Variants in DMBT1 observed in about 807,000 individuals in gnomAD.
The protein encoded by DMBT1 is deleted in malignant brain tumors 1.
DMBT1 carries 198 observed loss-of-function variants against 252.9 expected under a neutral mutation model. The observed-to-expected ratio is 0.78, with a 90% confidence interval of 0.70 to 0.88. The LOEUF (loss-of-function observed/expected upper bound fraction) is 0.88, where lower values mean the gene tolerates loss of function less well. Ranked by LOEUF, DMBT1 falls within the 40% of genes least tolerant of loss-of-function variation. The pLI is 0.00. For missense variants in DMBT1, 2,432 were observed against 2,404.7 expected (o/e 1.01, Z -0.24); for synonymous variants, 990 against 942.7 (o/e 1.05, Z -0.92).
Position 122,591,498 on chromosome 10 carries a change from G to A in DMBT1, c.2157G>A (p.Thr719=), listed in dbSNP as rs181876433. ...TTACAGACACGTTGTCGACCATCAC[G>A]TTACCTCCATCGACAGTAGGTAAAT... ...TPRPDTLSTI[T]LPPSTVGSES... is the part of the protein sequence containing the mutation. The change falls in exon 19 of 56, where the codon ACG becomes ACA. Residue 719 remains threonine (T), a synonymous_variant. Transcript: ENST00000338354. 275 of 1,587,310 alleles carry A rather than the reference G, an allele frequency of 1.7e-4. 13 individuals carry two copies. The highest frequency in any genetic ancestry group is 1.0e-3 in the African/African-American group (76 of 74,634).
intron 2 of DMBT1, among the ~76,000 whole-genome samples, chr10:122,569,934 A>G (rs2097645914): frequency 6.6e-6 from 1 of 152,132 alleles, no homozygotes; most frequent in South Asian, 2.1e-4. Context: ...TCGTGGCAGC[A>G]GAGGAGGTGT....
At chr10:122,625,438 G>C (rs1034111516) in intron 45 of DMBT1, 135 bp downstream of exon 45, 3 of 883,714 alleles carry the variant, frequency 3.4e-6, no homozygotes, top group African/African-American at 1.7e-5. Context: ...TCTTTGTTAG[G>C]GTGACGAGCT....
intron 52 of DMBT1, among the ~76,000 whole-genome samples, chr10:122,634,354 T>TTCTTTC (rs762300161): frequency 1.9e-3 from 190 of 97,662 alleles, no homozygotes; most frequent in South Asian, 6.8e-3. Flanking sequence ...CTTTCTTTCT[T>TTCTTTC]TCTTTCTTTC....
intron 52 of DMBT1, among the ~76,000 whole-genome samples, chr10:122,633,564 G>A (rs1218023523): frequency 6.6e-6 from 1 of 152,174 alleles, no homozygotes; most frequent in African/African-American, 2.4e-5. Context: ...CGAGAGCCTT[G>A]GAGTGGACAA....
intron 41 of DMBT1, among the ~76,000 whole-genome samples, chr10:122,618,654 G>T (rs558586471): frequency 6.6e-6 from 1 of 152,198 alleles, no homozygotes; most frequent in East Asian, 1.9e-4. Context: ...GAGTAGCACT[G>T]GTTGAGGGTA....
chr10:122,591,882 G>C (rs962979515), intron 19 of DMBT1, among the ~76,000 whole-genome samples: 2 of 149,230 alleles, frequency 1.3e-5, no homozygotes, highest in Non-Finnish European at 3.0e-5. Flanking sequence ...TGGCCAATGT[G>C]TTGCCATCCC....
chr10:122,632,213 G>T (rs556685024), intron 50 of DMBT1, among the ~76,000 whole-genome samples: 56 of 152,034 alleles, frequency 3.7e-4, no homozygotes, highest in Admixed American at 5.2e-4. Flanking sequence ...CCCCTGAGCT[G>T]CTCTGAGTGT....
chr10:122,633,634 C>T (rs189966742), intron 52 of DMBT1, among the ~76,000 whole-genome samples: 5 of 152,324 alleles, frequency 3.3e-5, no homozygotes, highest in African/African-American at 1.2e-4. Flanking sequence ...CAGGAAGTCA[C>T]TCAACTTTCC....
intron 41 of DMBT1, 60 bp downstream of exon 41, chr10:122,618,400 C>G (rs1215746802): frequency 1.2e-6 from 2 of 1,612,482 alleles, no homozygotes; most frequent in Admixed American, 3.3e-5. Context: ...GGAAGAAAAT[C>G]CTAATTACAT....
chr10:122,617,539 G>A (rs986819320), intron 40 of DMBT1, among the ~76,000 whole-genome samples: 3 of 151,532 alleles, frequency 2.0e-5, no homozygotes, highest in Non-Finnish European at 2.9e-5. Context: ...AATCCTGCTG[G>A]GACCTCTTTC....
In DMBT1 at chr10:122,598,775, A is replaced by G. The variant is rs776890512; in HGVS notation, c.2958A>G (p.Gly986=). 2.5e-6 allele frequency: 4 copies of G among 1,613,000 alleles called. No homozygotes were observed. Among genetic ancestry groups the G allele is most frequent in the Non-Finnish European group, 3.4e-6 (4 of 1,179,726 alleles). ...AAGGATTCTTGTGTTCCCCTGTAGG[A>G]TCTGAATCCAGTTTGGCCCTGAGGC... ...PTITLPASTV[G]SESSLALRLV... Residue 986 remains glycine (G), a splice_region_variant and synonymous_variant, in exon 26 of 56, where the codon GGA becomes GGG. Coordinates refer to ENST00000338354, the MANE Select transcript of DMBT1 (RefSeq NM_001377530.1).
rs2097782716 is a variant in DMBT1, at chr10:122,585,589, T to C, written c.1459+280T>C. Among the ~76,000 whole-genome samples, 4 of 148,574 alleles carry C rather than the reference T, an allele frequency of 2.7e-5. No homozygotes were observed. The South Asian group carries it at 9.1e-4, about 34-fold the overall frequency. ...AAAGCCCTGGAAGCTTCCCTAATCC[T>C]ACTAAGACCTCATTCCTGTCCCTCA... On this transcript the variant is annotated intron_variant, in intron 15 of 55. Transcript: ENST00000338354.
chr10:122,597,700 G>C (rs2097895905), intron 24 of DMBT1, among the ~76,000 whole-genome samples: 1 of 152,184 alleles, frequency 6.6e-6, no homozygotes, highest in African/African-American at 2.4e-5. Flanking sequence ...ACCCGTCAGT[G>C]CATGTGTCAG....
At chr10:122,636,991 G>A (rs1192365753) in intron 53 of DMBT1, 137 bp from the exon 54 acceptor site, 1 of 737,378 alleles carries the variant, frequency 1.4e-6, no homozygotes, top group Non-Finnish European at 2.2e-6. Flanking sequence ...TGAGGTCTAT[G>A]CCCACATCCT....
intron 2 of DMBT1, among the ~76,000 whole-genome samples, chr10:122,567,429 G>T (rs2097605888): frequency 6.6e-6 from 1 of 152,190 alleles, no homozygotes; most frequent in South Asian, 2.1e-4. Context: ...GAAGGACAGA[G>T]CATGGGAAGT....
chr10:122,597,512 T>G (rs913050605), intron 24 of DMBT1, among the ~76,000 whole-genome samples: 1 of 152,176 alleles, frequency 6.6e-6, no homozygotes, highest in African/African-American at 2.4e-5. Context: ...CACCCCAGAT[T>G]CTGCAGGGCT....
chr10:122,628,357 C>T (rs1470551785), intron 46 of DMBT1, among the ~76,000 whole-genome samples: 3 of 152,096 alleles, frequency 2.0e-5, no homozygotes, highest in East Asian at 1.9e-4. Context: ...TAATAGTGGC[C>T]GGGCGCGGTG....
At position 122,591,465 on chromosome 10, in the gene DMBT1, G is replaced by C. The variant is rs566893334; in HGVS notation, c.2138-14G>C. 6.9e-6 allele frequency: 11 copies of C among 1,585,600 alleles called. No homozygotes were observed. The highest frequency in any genetic ancestry group is 1.3e-5 in the African/African-American group (1 of 74,638). On this transcript the variant is annotated splice_polypyrimidine_tract_variant and intron_variant, in intron 18 of 55. Transcript: ENST00000338354. Reference sequence around the variant, plus strand: ...AACTTTAATTCTAGCCTTTGTCTTTGTTGCAATTTACAGACACGTTGTCGA... The same window carrying C: ...AACTTTAATTCTAGCCTTTGTCTTTCTTGCAATTTACAGACACGTTGTCGA...
chr10:122,570,115 C>T (rs772081964), intron 2 of DMBT1, 47 bp from the exon 3 acceptor site: 2 of 1,541,770 alleles, frequency 1.3e-6, no homozygotes, highest in African/African-American at 1.4e-5. Context: ...CCAGCCCTCC[C>T]CAAGCAAGGG....
Sources: gnomAD v4.1 joint callset for allele counts (sites outside exome capture counted in the v4.1 genomes callset) on GRCh38, gnomAD v4.1.1 for gene constraint, MANE v1.5 for transcripts, NCBI Gene and HGNC (gene_info 2026-07-23, HGNC 2026-07-21) for gene names.